CDYL2: variants seen among roughly 807,000 people sequenced by gnomAD.
CDYL2 encodes the protein chromodomain Y-like protein 2.
CDYL2 carries 23 observed loss-of-function variants against 49.4 expected under a neutral mutation model. That is an observed-to-expected ratio of 0.47 (90% confidence interval 0.34 to 0.66). The LOEUF (loss-of-function observed/expected upper bound fraction) is 0.66. CDYL2 is among the 30% of genes least tolerant of loss of function. The pLI is 0.01. For missense variants in CDYL2, 678 were observed against 656.4 expected (o/e 1.03, Z -0.36); for synonymous variants, 360 against 268.8 (o/e 1.34, Z -3.32).
At chr16:80,648,859 G>A (rs989442704) in intron 2 of CDYL2, among the ~76,000 whole-genome samples, 1 of 152,058 alleles carries the variant, frequency 6.6e-6, no homozygotes. Context: ...ATCAGTCAAT[G>A]CAATACATCA....
At chr16:80,679,496 G>A (rs1909889580) in intron 2 of CDYL2, among the ~76,000 whole-genome samples, 1 of 152,074 alleles carries the variant, frequency 6.6e-6, no homozygotes, top group South Asian at 2.1e-4. Flanking sequence ...TTCCAACCTG[G>A]ACACTTGTAA....
chr16:80,617,660 T>C (rs996871408), intron 4 of CDYL2, among the ~76,000 whole-genome samples: 2 of 152,122 alleles, frequency 1.3e-5, no homozygotes, highest in African/African-American at 4.8e-5. Context: ...AGTCTCTTTC[T>C]AACCCCGGGA....
chr16:80,715,909 CT>C (rs1436478175), intron 1 of CDYL2, among the ~76,000 whole-genome samples: 1 of 152,182 alleles, frequency 6.6e-6, no homozygotes, highest in Non-Finnish European at 1.5e-5. Context: ...CTACCCACCC[CT>C]AGATGGAAGA....
At chr16:80,717,004 TGATGGATGGATGGATG>T (rs60811461) in intron 1 of CDYL2, among the ~76,000 whole-genome samples, 3 of 147,456 alleles carry the variant, frequency 2.0e-5, no homozygotes, top group South Asian at 2.2e-4. Context: ...ATGATTCAAT[TGATGGATGGATGGATG>T]GATGGATGGA....
intron 3 of CDYL2, among the ~76,000 whole-genome samples, chr16:80,630,401 T>C (rs1907507799): frequency 1.3e-5 from 2 of 152,220 alleles, no homozygotes; most frequent in Admixed American, 6.5e-5. Context: ...ACTTCACATG[T>C]GTTCAATTTC....
Position 80,631,795 on chromosome 16 carries a change from A to G in CDYL2, c.834+1224T>C, listed in dbSNP as rs144124770. ...CAATGCACTCATGAAAAGATGCTCA[A>G]CATGACTAGTCATCAGGGAAATGCA... On this transcript the variant is annotated intron_variant, in intron 3 of 6. Transcript: ENST00000570137. Among the ~76,000 whole-genome samples, 33 of 152,346 alleles carry G rather than the reference A, an allele frequency of 2.2e-4. No individual in the cohort carries two copies. In the East Asian group the frequency reaches 5.2e-3, roughly 24 times the overall value.
In CDYL2 at chr16:80,612,594, G is replaced by T. The variant is rs948490375; in HGVS notation, c.1218+32C>A. ...CCAAGGCAGAGGAAGGATCCTGCTGGGACCCGAATCCAGGTATCACAGGAG... is the reference window on the plus strand; with the variant it reads ...CCAAGGCAGAGGAAGGATCCTGCTGTGACCCGAATCCAGGTATCACAGGAG... On this transcript the variant is annotated intron_variant, in intron 5 of 6. Transcript: ENST00000570137. The surrounding 1 kb of genome is among the most constrained non-coding windows in gnomAD (Gnocchi z 5.0). 2 of 1,565,342 alleles carry T rather than the reference G, an allele frequency of 1.3e-6. No homozygotes were observed. The highest frequency in any genetic ancestry group is 1.7e-6 in the Non-Finnish European group (2 of 1,153,688).
chr16:80,637,635 G>C (rs535128495), intron 2 of CDYL2, among the ~76,000 whole-genome samples: 1 of 151,870 alleles, frequency 6.6e-6, no homozygotes, highest in Admixed American at 6.6e-5. Context: ...TACCAGCAAT[G>C]AGCAACTGGA....
chr16:80,777,781 T>C (rs1464123223), intron 1 of CDYL2, among the ~76,000 whole-genome samples: 2 of 152,058 alleles, frequency 1.3e-5, no homozygotes, highest in African/African-American at 4.8e-5. Context: ...GAAAGCTTAG[T>C]TGACATGTTA....
chr16:80,636,456 G>C (rs865927147), intron 2 of CDYL2, among the ~76,000 whole-genome samples: 1 of 152,178 alleles, frequency 6.6e-6, no homozygotes, highest in African/African-American at 2.4e-5. Context: ...ATGAAAAAAA[G>C]CTCATCATCA....
chr16:80,729,179 C>G (rs1266019600), intron 1 of CDYL2, among the ~76,000 whole-genome samples: 1 of 152,190 alleles, frequency 6.6e-6, no homozygotes, highest in African/African-American at 2.4e-5. Context: ...AGTTAAGACC[C>G]TTCAGTGTGT....
intron 2 of CDYL2, among the ~76,000 whole-genome samples, chr16:80,655,805 G>A (rs1014142313): frequency 1.3e-5 from 2 of 152,188 alleles, no homozygotes; most frequent in Non-Finnish European, 2.9e-5. Flanking sequence ...GGAGACGCAG[G>A]GGAATGGTGC....
chr16:80,717,998 A>T (rs1390299983), intron 1 of CDYL2, among the ~76,000 whole-genome samples: 1 of 152,174 alleles, frequency 6.6e-6, no homozygotes, highest in Non-Finnish European at 1.5e-5. Context: ...CTGCTGTCTC[A>T]CGCTGGGTGC....
intron 1 of CDYL2, among the ~76,000 whole-genome samples, chr16:80,798,406 C>A (rs1355395563): frequency 1.3e-5 from 2 of 152,110 alleles, no homozygotes; most frequent in Non-Finnish European, 2.9e-5. Flanking sequence ...ACAAGGACAA[C>A]CCCTCCCCTT....
chr16:80,771,575 C>T (rs1187237494), intron 1 of CDYL2, among the ~76,000 whole-genome samples: 2 of 152,006 alleles, frequency 1.3e-5, no homozygotes, highest in East Asian at 1.9e-4. Context: ...TGTGGTGGTG[C>T]GCACCTGTAA....
chr16:80,665,689 A>C (rs1025562655), intron 2 of CDYL2, among the ~76,000 whole-genome samples: 4 of 152,098 alleles, frequency 2.6e-5, no homozygotes, highest in African/African-American at 9.7e-5. Context: ...AAGGAGATGA[A>C]GATGGGAGAA....
rs568571460 is a variant in CDYL2, at chr16:80,663,402, G to C, written c.616+21136C>G. Among the ~76,000 whole-genome samples, 15 of 151,728 alleles carry C rather than the reference G, an allele frequency of 9.9e-5. No homozygotes were observed. In the South Asian group the frequency reaches 3.1e-3, roughly 32 times the overall value. On this transcript the variant is annotated intron_variant, in intron 2 of 6. Coordinates refer to ENST00000570137, the MANE Select transcript of CDYL2 (RefSeq NM_152342.4). ...TCTCAGGACCTGAATGCAATAGCAG[G>C]GCTCAAATTCACAGGTGCATTCAAG...
intron 1 of CDYL2, among the ~76,000 whole-genome samples, chr16:80,761,160 A>T (rs904170680): frequency 2.0e-5 from 3 of 152,160 alleles, no homozygotes; most frequent in African/African-American, 7.2e-5. Flanking sequence ...CCCACCAGGG[A>T]CCTACTGAAT....
intron 1 of CDYL2, among the ~76,000 whole-genome samples, chr16:80,772,821 A>G (rs1906951401): frequency 6.6e-6 from 1 of 152,214 alleles, no homozygotes; most frequent in African/African-American, 2.4e-5. Context: ...CCACTAAAAG[A>G]AAAGAAAAAA....
Sources: allele counts gnomAD v4.1 joint callset (sites outside exome capture counted in the v4.1 genomes callset), GRCh38; gene constraint gnomAD v4.1.1; non-coding constraint Gnocchi (gnomAD v3.1); transcripts MANE v1.5; gene names NCBI Gene and HGNC (gene_info 2026-07-23, HGNC 2026-07-21).